Variants in SRFBP1 observed in about 807,000 individuals in gnomAD.
SRFBP1 encodes serum response factor binding protein 1, also known as serum response factor-binding protein 1.
Under a neutral mutation model 45.5 loss-of-function variants are expected in SRFBP1, and 47 were observed. That is an observed-to-expected ratio of 1.03 (90% CI 0.82 to 1.32). The LOEUF is 1.32. SRFBP1 is among the 40% of genes most tolerant of loss of function. The pLI is 0.00. For synonymous variants in SRFBP1, 203 were observed against 166.3 expected, an observed-to-expected ratio of 1.22 and a Z score of -1.70; for missense variants, 621 against 484.6, an observed-to-expected ratio of 1.28 and a Z score of -2.64.
chr5:122,034,439 T>C (rs1753652164), intron 2 of SRFBP1, among the ~76,000 whole-genome samples: 1 of 151,946 alleles, frequency 6.6e-6, no homozygotes, highest in South Asian at 2.1e-4. Context: ...TTTAATGCCC[T>C]TAGCGCCCCC....
At chr5:122,074,349 C>G (rs112668038) in intron 2 of SRFBP1, among the ~76,000 whole-genome samples, 18 of 152,088 alleles carry the variant, frequency 1.2e-4, no homozygotes, top group Non-Finnish European at 2.2e-4. Context: ...ATAAGTCTAT[C>G]AAAATTGTAA....
chr5:122,048,045 C>T (rs902289696), intron 2 of SRFBP1, among the ~76,000 whole-genome samples: 2 of 152,140 alleles, frequency 1.3e-5, no homozygotes, highest in Admixed American at 1.3e-4. Flanking sequence ...ATTTCCTTCT[C>T]CTGCCTGATT....
At chr5:122,017,122 G>A (rs1237175447) in intron 4 of SRFBP1, among the ~76,000 whole-genome samples, 2 of 152,084 alleles carry the variant, frequency 1.3e-5, no homozygotes, top group African/African-American at 2.4e-5. Context: ...CCAGCTACTC[G>A]GGAGGCTGAG....
At chr5:122,059,561 A>G (rs1754139295) in intron 2 of SRFBP1, among the ~76,000 whole-genome samples, 1 of 152,108 alleles carries the variant, frequency 6.6e-6, no homozygotes, top group Non-Finnish European at 1.5e-5. Context: ...AGGAATGGTG[A>G]GAGTAGCAAG....
chr5:121,999,703 G>A (rs570712152), intron 4 of SRFBP1, among the ~76,000 whole-genome samples: 2 of 152,036 alleles, frequency 1.3e-5, no homozygotes, highest in African/African-American at 2.4e-5. Flanking sequence ...CCTTAACCCC[G>A]ATAATATTTA....
chr5:121,999,196 T>C (rs1361760120), intron 4 of SRFBP1, among the ~76,000 whole-genome samples: 7 of 152,192 alleles, frequency 4.6e-5, no homozygotes, highest in Admixed American at 2.0e-4. Flanking sequence ...TAGTTTAAAA[T>C]GTTTTAAATT....
intron 4 of SRFBP1, among the ~76,000 whole-genome samples, chr5:121,997,621 C>T (rs1373836148): frequency 1.3e-5 from 2 of 151,428 alleles, no homozygotes; most frequent in African/African-American, 2.4e-5. Context: ...ACTTCATATC[C>T]AAAACACCAA....
chr5:122,008,835 A>C (rs988283186), intron 4 of SRFBP1, among the ~76,000 whole-genome samples: 1 of 152,204 alleles, frequency 6.6e-6, no homozygotes, highest in Admixed American at 6.5e-5. Context: ...GGCATATTTC[A>C]GAAACTAGGA....
At chr5:121,974,417 C>A (rs1752261794) in intron 2 of SRFBP1, 133 bp downstream of exon 2, 1 of 611,900 alleles carries the variant, frequency 1.6e-6, no homozygotes, top group Non-Finnish European at 2.9e-6. Flanking sequence ...GTTTTGTATG[C>A]GGAGATGATG....
Position 122,027,212 on chromosome 5 carries a change from G to C in SRFBP1, c.*86G>C, listed in dbSNP as rs1753501564. Reference sequence around the variant, plus strand: ...ATCTCATTCTGTTGCCCAGACTAGAGTACAATATTGCAATCACAGCTCACT... The same window carrying C: ...ATCTCATTCTGTTGCCCAGACTAGACTACAATATTGCAATCACAGCTCACT... On this transcript the variant is annotated 3_prime_UTR_variant, in exon 8 of 8. Transcript: ENST00000339397. 1 of 1,089,852 alleles carries C rather than the reference G, an allele frequency of 9.2e-7. No homozygotes were observed. The highest frequency in any genetic ancestry group is 1.7e-5 in the South Asian group (1 of 60,328). The allele number at this position is 1,089,852 out of a possible 1,614,324, so 67.5% of individuals were successfully genotyped here. A position where few individuals can be genotyped will look rare whatever the true frequency, so the allele number is the denominator to read the frequency against.
At position 122,020,203 on chromosome 5, in the gene SRFBP1, T is replaced by G; in HGVS notation, c.468T>G (p.Ser156Arg). 1 of 1,612,742 alleles carries G rather than the reference T, an allele frequency of 6.2e-7. No individual in the cohort carries two copies. The highest frequency in any genetic ancestry group is 8.5e-7 in the Non-Finnish European group (1 of 1,179,662). Residue 156 changes from serine to arginine, a missense_variant, in exon 6 of 8, where the codon AGT becomes AGG. By Grantham distance (110) the Ser-to-Arg change is moderately radical (BLOSUM62 -1). Coordinates refer to ENST00000339397, the MANE Select transcript of SRFBP1 (RefSeq NM_152546.3). ...CTTTGTATTCAAATGATAATGGAAG[T>G]AATTTACAGCGTGAAGCAACTGTCA... ...ENTLYSNDNG[S>R]NLQREATVIS...
At chr5:121,971,673 A>G (rs1376156612) in intron 1 of SRFBP1, among the ~76,000 whole-genome samples, 1 of 152,034 alleles carries the variant, frequency 6.6e-6, no homozygotes, top group African/African-American at 2.4e-5. Flanking sequence ...TAAACAATGT[A>G]TTGTGAAAAG....
chr5:122,028,696 G>T (rs149453896), downstream of SRFBP1: 3 of 152,016 alleles, frequency 2.0e-5, no homozygotes, highest in East Asian at 5.8e-4. Context: ...TGCATACATT[G>T]TTTTTGTACT....
At chr5:121,996,149 C>CTG (rs1752722808) in intron 4 of SRFBP1, among the ~76,000 whole-genome samples, 49 of 147,516 alleles carry the variant, frequency 3.3e-4, no homozygotes, top group African/African-American at 1.2e-3. Context: ...GGGAATCCTC[C>CTG]CTAACTCATT....
At chr5:121,992,679 G>A (rs944812267) in intron 3 of SRFBP1, among the ~76,000 whole-genome samples, 1 of 151,996 alleles carries the variant, frequency 6.6e-6, no homozygotes, top group Admixed American at 6.6e-5. Flanking sequence ...ATCATGCTTT[G>A]TGTTTGCGTA....
intron 4 of SRFBP1, among the ~76,000 whole-genome samples, chr5:122,001,594 G>T (rs1193633958): frequency 7.9e-6 from 1 of 125,856 alleles, no homozygotes. Flanking sequence ...TCGCTCTGTC[G>T]CCCAGGCCGG....
At chr5:122,022,500 TG>T in intron 7 of SRFBP1, 93 bp downstream of exon 7, 5 of 1,016,148 alleles carry the variant, frequency 4.9e-6, no homozygotes, top group Non-Finnish European at 7.2e-6. Flanking sequence ...TAATATAGCC[TG>T]AATGAATTAT....
intron 2 of SRFBP1, among the ~76,000 whole-genome samples, chr5:122,043,823 A>C (rs1446736212): frequency 1.3e-5 from 2 of 152,112 alleles, no homozygotes; most frequent in Non-Finnish European, 2.9e-5. Context: ...GCAGCTATGG[A>C]TAATATGGAA....
chr5:122,036,608 G>C (rs1182163876), intron 2 of SRFBP1, among the ~76,000 whole-genome samples: 3 of 152,150 alleles, frequency 2.0e-5, no homozygotes, highest in Non-Finnish European at 4.4e-5. Context: ...GTTCAGTCCT[G>C]TAAGTGATTT....
Sources: allele counts gnomAD v4.1 joint callset (sites outside exome capture counted in the v4.1 genomes callset), GRCh38; gene constraint gnomAD v4.1.1; transcripts MANE v1.5; gene names NCBI Gene and HGNC (gene_info 2026-07-23, HGNC 2026-07-21).